HNRNPL: variants seen among roughly 807,000 people sequenced by gnomAD.
HNRNPL encodes the protein epididymis secretory sperm binding protein.
Under a neutral mutation model 64.0 loss-of-function variants are expected in HNRNPL, and 12 were observed. That is an observed-to-expected ratio of 0.19 (90% confidence interval 0.12 to 0.30). The LOEUF (loss-of-function observed/expected upper bound fraction) is 0.30. Among genes scored for constraint, HNRNPL ranks in the 10% least tolerant of loss-of-function variants. HNRNPL has a pLI of 1.00. For synonymous variants in HNRNPL, 385 were observed against 313.0 expected (o/e 1.23, Z -2.43); for missense variants, 484 against 797.4 (o/e 0.61, Z 4.73).
chr19:38,838,842 C>T (rs775543327), intron 9 of HNRNPL, 52 bp downstream of exon 9: 4 of 1,611,918 alleles, frequency 2.5e-6, no homozygotes, highest in African/African-American at 2.7e-5. Flanking sequence ...CCCCATTCCC[C>T]TCCTTTTCTC....
Position 38,849,704 on chromosome 19 carries a change from C to A in HNRNPL, c.263G>T (p.Gly88Val). 1 of 1,350,292 alleles carries A rather than the reference C, an allele frequency of 7.4e-7. No homozygotes were observed. Among genetic ancestry groups the A allele is most frequent in the Non-Finnish European group, 9.4e-7 (1 of 1,059,696 alleles). 83.6% of individuals were successfully genotyped at this position (1,350,292 alleles called of 1,614,324 possible). ...GGAGAAGGGG[G>V]GENYDDPHKT... ...CGCCTAGGGCCCTGGCCTCACCCCACCGCCGCCGCCGCCCGCCGCCCCGGC... is the reference window on the plus strand; with the variant it reads ...CGCCTAGGGCCCTGGCCTCACCCCAACGCCGCCGCCGCCCGCCGCCCCGGC... Residue 88 changes from glycine to valine, a missense_variant, in exon 1 of 13, where the codon GGT (glycine) becomes GTT (valine). Coordinates refer to ENST00000221419, the MANE Select transcript of HNRNPL (RefSeq NM_001533.3).
chr19:38,849,226 C>T (rs1309355819), intron 1 of HNRNPL: 1 of 165,956 alleles, frequency 6.0e-6, no homozygotes, highest in Non-Finnish European at 1.3e-5. Context: ...AGACACAAGG[C>T]TGGGCCTTAG....
intron 6 of HNRNPL, chr19:38,841,392 G>C (rs1600055563): frequency 2.8e-6 from 1 of 357,326 alleles, no homozygotes; most frequent in South Asian, 2.1e-5. Flanking sequence ...GCAGTTAAAA[G>C]ACACTTTGGC....
chr19:38,844,717 T>G (rs936580299), intron 4 of HNRNPL: 1 of 153,146 alleles, frequency 6.5e-6, no homozygotes, highest in African/African-American at 2.4e-5. Flanking sequence ...CCCACCTTTT[T>G]TTTTTTTTTT....
In HNRNPL at chr19:38,844,234, C is replaced by T. The variant is rs1056905591; in HGVS notation, c.711-130G>A. ...AGACGGAAGCTTTGGGATTAGCTCA[C>T]TGCCCAGCCACTAGCCTCAGGTTAA... is the stretch of plus-strand genomic sequence containing the variant. On this transcript the variant is annotated intron_variant, in intron 4 of 12. Coordinates refer to ENST00000221419, the MANE Select transcript of HNRNPL (RefSeq NM_001533.3). 3 of 648,626 alleles carry T rather than the reference C, an allele frequency of 4.6e-6. No homozygotes were observed. In the African/African-American group the frequency reaches 5.4e-5, roughly 12 times the overall value. 40.2% of individuals were successfully genotyped at this position (648,626 alleles called of 1,614,324 possible). A position where few individuals can be genotyped will look rare whatever the true frequency, so the allele number is the denominator to read the frequency against.
At chr19:38,850,145 T>G, upstream of HNRNPL, 2 of 500,422 alleles carry the variant, frequency 4.0e-6, no homozygotes, top group Non-Finnish European at 6.9e-6. Flanking sequence ...CCCGCCCTTG[T>G]TTGTCTGAGA....
At chr19:38,845,274 G>C (rs949665196) in intron 4 of HNRNPL, 3 of 180,654 alleles carry the variant, frequency 1.7e-5, no homozygotes, top group African/African-American at 7.2e-5. Flanking sequence ...GGAAGGCTGA[G>C]GCAGGAGAAT....
chr19:38,841,519 C>A, intron 6 of HNRNPL: 3 of 567,106 alleles, frequency 5.3e-6, no homozygotes, highest in South Asian at 4.5e-5. Context: ...GGTTTTGTTA[C>A]CAGTCATTAC....
Position 38,837,651 on chromosome 19 carries a change from T to C in HNRNPL, c.1558A>G (p.Ile520Val). 6.2e-7 allele frequency: 1 copy of C among 1,614,162 alleles called. No individual in the cohort carries two copies. The highest frequency in any genetic ancestry group is 1.1e-5 in the South Asian group (1 of 91,082). Residue 520 changes from isoleucine to valine, a missense_variant and splice_region_variant, in exon 11 of 13, where the codon ATC becomes GTC. Ile to Val is a conservative substitution (Grantham distance 29). This residue lies in a region of HNRNPL where 69 missense variants were observed against 91.8 expected (regional missense o/e 0.75). Transcript: ENST00000221419. Reference protein sequence around the residue: ...LEVTEENFFEICDELGVKRPS... With the variant: ...LEVTEENFFEVCDELGVKRPS... ...CGCTTCACTCCCAGCTCATCGCAGA[T>C]CTGCAAAAGAAAACAGGTAGTAAAT...
chr19:38,839,332 T>A (rs1941478739), intron 8 of HNRNPL: 1 of 325,020 alleles, frequency 3.1e-6, no homozygotes, highest in Non-Finnish European at 6.0e-6. Flanking sequence ...ACGTGTGTGA[T>A]CTATGGATGG....
At chr19:38,839,125 C>A in intron 8 of HNRNPL, 110 bp from the exon 9 acceptor site, 1 of 1,371,480 alleles carries the variant, frequency 7.3e-7, no homozygotes, top group Non-Finnish European at 1.0e-6. Context: ...CATGTCCTCA[C>A]AGTTAATCGG....
upstream of HNRNPL, chr19:38,850,329 TCTC>T (rs1040540173): frequency 5.7e-5 from 13 of 229,582 alleles, no homozygotes; most frequent in African/African-American, 2.5e-4. Context: ...CTTTCATTGG[TCTC>T]CTCGCTAATC....
intron 6 of HNRNPL, chr19:38,840,873 G>A (rs1194636371): frequency 7.6e-6 from 3 of 394,998 alleles, no homozygotes; most frequent in African/African-American, 6.4e-5. Flanking sequence ...TCTGGGGAAT[G>A]TGCAGCTGCT....
chr19:38,850,187 CT>C, upstream of HNRNPL: 1 of 407,170 alleles, frequency 2.5e-6, no homozygotes, highest in Non-Finnish European at 4.3e-6. Flanking sequence ...TTCTGCCAGT[CT>C]TTCCGTCGAC....
At chr19:38,849,464 C>A (rs548532310) in intron 1 of HNRNPL, 9 of 480,340 alleles carry the variant, frequency 1.9e-5, no homozygotes, top group South Asian at 1.0e-4. Context: ...CCATTCGCCT[C>A]ACGAGCTACT....
chr19:38,841,894 A>AGTGCGGTG, intron 6 of HNRNPL: 1 of 365,054 alleles, frequency 2.7e-6, no homozygotes. Flanking sequence ...TATGTGCTGC[A>AGTGCGGTG]GTGCGGTGGT....
intron 1 of HNRNPL, chr19:38,847,653 C>G: frequency 6.1e-6 from 2 of 328,092 alleles, no homozygotes; most frequent in Non-Finnish European, 1.1e-5. Context: ...TGCCCACTGG[C>G]TCTTGCTGTA....
chr19:38,840,717 C>G, intron 6 of HNRNPL, 158 bp from the exon 7 acceptor site: 1 of 654,042 alleles, frequency 1.5e-6, no homozygotes, highest in Admixed American at 3.0e-5. Context: ...TGACCTACGG[C>G]GGGCATGAAG....
In HNRNPL at chr19:38,836,675, A is replaced by G; in HGVS notation, c.*47T>C. 7.7e-7 allele frequency: 1 copy of G among 1,304,502 alleles called. No individual in the cohort carries two copies. The highest frequency in any genetic ancestry group is 1.9e-4 in the Middle Eastern group (1 of 5,308). The allele number at this position is 1,304,502 out of a possible 1,614,324, so 80.8% of individuals were successfully genotyped here. A position where few individuals can be genotyped will look rare whatever the true frequency, so the allele number is the denominator to read the frequency against. ...CAAAAACAAAAAATGGCATAAAGGA[A>G]AGAGAAATGTCTTCCTGCTCAGATG... On this transcript the variant is annotated 3_prime_UTR_variant, in exon 13 of 13. Transcript: ENST00000221419.
Sources: allele counts gnomAD v4.1 joint callset, GRCh38; gene constraint gnomAD v4.1.1; regional missense constraint gnomAD v4.1.1; transcripts MANE v1.5; gene names NCBI Gene and HGNC (gene_info 2026-07-23, HGNC 2026-07-21).